NTNG1: variants seen among roughly 807,000 people sequenced by gnomAD.
The protein encoded by NTNG1 is netrin-G1.
NTNG1 carries 16 observed loss-of-function variants against 54.0 expected under a neutral mutation model. That is an observed-to-expected ratio of 0.30 (90% CI 0.20 to 0.45). NTNG1 has a LOEUF of 0.45. NTNG1 is among the 20% of genes least tolerant of loss of function. NTNG1 has a pLI of 1.00. For missense variants in NTNG1, 530 were observed against 678.7 expected (o/e 0.78, Z 2.43); for synonymous variants, 255 against 263.1 (o/e 0.97, Z 0.30).
At chr1:107,175,905 G>C (rs181940381) in intron 2 of NTNG1, among the ~76,000 whole-genome samples, 8 of 152,244 alleles carry the variant, frequency 5.3e-5, no homozygotes, top group Admixed American at 6.5e-5. Context: ...CTCTGCATAG[G>C]ATCATAAGTA....
intron 3 of NTNG1, among the ~76,000 whole-genome samples, chr1:107,343,030 C>G (rs1414386540): frequency 1.3e-5 from 2 of 152,096 alleles, no homozygotes; most frequent in African/African-American, 4.8e-5. Context: ...CTCCTGTAAT[C>G]TACAATACTG....
rs1666427375 is a variant in NTNG1, at chr1:107,303,180, G to T, written c.247-21102G>T. On this transcript the variant is annotated intron_variant, in intron 2 of 7. Transcript: ENST00000370068. Reference sequence around the variant, plus strand: ...AAATTCAATATCTTCTGACTTCCCAGTTCTGAAATCACTTGAGTAGACCAG... The same window carrying T: ...AAATTCAATATCTTCTGACTTCCCATTTCTGAAATCACTTGAGTAGACCAG... Among the ~76,000 whole-genome samples the T allele has an allele frequency of 2.0e-5, 3 of 152,152 alleles. No homozygotes were observed. The South Asian group carries it at 6.2e-4, about 31-fold the overall frequency.
intron 2 of NTNG1, among the ~76,000 whole-genome samples, chr1:107,217,769 T>C (rs964030044): frequency 4.6e-5 from 7 of 152,314 alleles, no homozygotes; most frequent in African/African-American, 1.7e-4. Context: ...AGGGTTCCTT[T>C]GGAGTTGATT....
At chr1:107,145,238 T>G (rs578031081) in intron 1 of NTNG1, among the ~76,000 whole-genome samples, 9 of 152,198 alleles carry the variant, frequency 5.9e-5, no homozygotes, top group Non-Finnish European at 8.8e-5. Flanking sequence ...ATTCTATTTT[T>G]ACATCATTGT....
At chr1:107,463,636 A>G (rs955654517) in intron 7 of NTNG1, among the ~76,000 whole-genome samples, 4 of 152,172 alleles carry the variant, frequency 2.6e-5, no homozygotes, top group African/African-American at 9.7e-5. Context: ...CTATTTAAGC[A>G]TTACATCAAA....
At chr1:107,341,902 A>G (rs1298646508) in intron 3 of NTNG1, among the ~76,000 whole-genome samples, 3 of 152,076 alleles carry the variant, frequency 2.0e-5, no homozygotes, top group Non-Finnish European at 4.4e-5. Context: ...TAAGAATCAC[A>G]TCCAGTTTAG....
intron 4 of NTNG1, among the ~76,000 whole-genome samples, chr1:107,403,161 A>C (rs533250304): frequency 1.6e-3 from 243 of 152,268 alleles, no homozygotes; most frequent in African/African-American, 5.7e-3. Flanking sequence ...GTGTAATTCT[A>C]CTAGGTTCTC....
intron 4 of NTNG1, among the ~76,000 whole-genome samples, chr1:107,400,262 C>A (rs767697541): frequency 1.3e-5 from 2 of 152,140 alleles, no homozygotes; most frequent in African/African-American, 2.4e-5. Flanking sequence ...CTCTCCTATG[C>A]AAAATCAATT....
rs1019677313 is a variant in NTNG1, at chr1:107,341,997, A to T, written c.887+17075A>T. On this transcript the variant is annotated intron_variant, in intron 3 of 7. Transcript: ENST00000370068. Reference sequence around the variant, plus strand: ...ATATGTGAGTGCATTAGAGTGGACAATTTACTAAAGAAGATAGGATAAAAA... The same window carrying T: ...ATATGTGAGTGCATTAGAGTGGACATTTTACTAAAGAAGATAGGATAAAAA... Among the ~76,000 whole-genome samples, 9 of 152,076 alleles carry T rather than the reference A, an allele frequency of 5.9e-5. No individual in the cohort carries two copies. In the South Asian group the frequency reaches 1.9e-3, roughly 31 times the overall value.
intron 2 of NTNG1, among the ~76,000 whole-genome samples, chr1:107,216,841 CTTAAT>C (rs1006696738): frequency 5.3e-5 from 8 of 151,944 alleles, no homozygotes; most frequent in African/African-American, 1.4e-4. Flanking sequence ...CCACGACCAG[CTTAAT>C]TTTTGTATTT....
At chr1:107,394,931 C>T (rs1672582774) in intron 3 of NTNG1, among the ~76,000 whole-genome samples, 3 of 152,130 alleles carry the variant, frequency 2.0e-5, no homozygotes, top group Admixed American at 2.0e-4. Context: ...TCGGCTTTCT[C>T]AATGTACAGT....
intron 2 of NTNG1, among the ~76,000 whole-genome samples, chr1:107,298,264 A>C (rs1666101006): frequency 6.6e-6 from 1 of 152,130 alleles, no homozygotes; most frequent in East Asian, 1.9e-4. Flanking sequence ...TATAATTTTT[A>C]AATTATTGGA....
chr1:107,303,494 C>G (rs1219838658), intron 2 of NTNG1, among the ~76,000 whole-genome samples: 4 of 151,948 alleles, frequency 2.6e-5, no homozygotes, highest in Non-Finnish European at 5.9e-5. Context: ...ATGCTAACAC[C>G]TTAGTTCTAC....
At chr1:107,294,412 C>A (rs1665813966) in intron 2 of NTNG1, among the ~76,000 whole-genome samples, 1 of 152,154 alleles carries the variant, frequency 6.6e-6, no homozygotes, top group African/African-American at 2.4e-5. Flanking sequence ...AGGCTGCATG[C>A]CTGTTCATTG....
chr1:107,239,552 A>G (rs1338092712), intron 2 of NTNG1, among the ~76,000 whole-genome samples: 1 of 152,278 alleles, frequency 6.6e-6, no homozygotes, highest in Admixed American at 6.5e-5. Context: ...ATTAAATCCT[A>G]TCATTCTGAA....
At chr1:107,374,847 G>A (rs1436652966) in intron 3 of NTNG1, among the ~76,000 whole-genome samples, 1 of 151,230 alleles carries the variant, frequency 6.6e-6, no homozygotes, top group African/African-American at 2.4e-5. Flanking sequence ...TTTTTTTTCT[G>A]TGATTTATTA....
intron 2 of NTNG1, among the ~76,000 whole-genome samples, chr1:107,294,431 C>T (rs1474867140): frequency 6.6e-6 from 1 of 152,162 alleles, no homozygotes; most frequent in African/African-American, 2.4e-5. Flanking sequence ...TGCCATATGT[C>T]TAACCAAGCC....
chr1:107,244,783 G>A (rs2101593373), intron 2 of NTNG1, among the ~76,000 whole-genome samples: 1 of 152,280 alleles, frequency 6.6e-6, no homozygotes, highest in East Asian at 1.9e-4. Context: ...GGTGAAGAGT[G>A]TGGCGCGAAC....
At chr1:107,430,629 T>A (rs1675200301) in intron 5 of NTNG1, 121 bp from the exon 6 acceptor site, 1 of 981,684 alleles carries the variant, frequency 1.0e-6, no homozygotes. Flanking sequence ...TTGTGTTGAA[T>A]CACATATATG....
Sources: allele counts gnomAD v4.1 joint callset (sites outside exome capture counted in the v4.1 genomes callset), GRCh38; gene constraint gnomAD v4.1.1; transcripts MANE v1.5; gene names NCBI Gene and HGNC (gene_info 2026-07-23, HGNC 2026-07-21).